Variants in GRM6 observed in about 807,000 individuals in gnomAD.
The protein encoded by GRM6 is glutamate metabotropic receptor 6.
In GRM6, 73 loss-of-function variants were observed where a neutral mutation model predicts 78.4. That is an observed-to-expected ratio of 0.93 (90% CI 0.77 to 1.13). The LOEUF is 1.13. Ranked by LOEUF, GRM6 falls within the 50% of genes most tolerant of loss-of-function variation. The pLI is 0.00. For synonymous variants in GRM6, 580 were observed against 555.0 expected, an observed-to-expected ratio of 1.05 and a Z score of -0.63; for missense variants, 1,251 against 1,256.4, an observed-to-expected ratio of 1.00 and a Z score of 0.07.
At position 178,991,908 on chromosome 5, in the gene GRM6, T is replaced by G. The variant is rs17078898; in HGVS notation, c.680A>C (p.Glu227Ala). 1.2e-6 allele frequency: 2 copies of G among 1,614,064 alleles called. No homozygotes were observed. The highest frequency in any genetic ancestry group is 2.2e-5 in the South Asian group (2 of 91,066). ...STLASEGNYG[E>A]SGVEAFVQIS... ...CTGAACGAAGGCCTCAACCCCACTTTCGCCATAGTTGCCCTCGGAGGCCAG... is the reference window on the plus strand; with the variant it reads ...CTGAACGAAGGCCTCAACCCCACTTGCGCCATAGTTGCCCTCGGAGGCCAG... The change falls in exon 3 of 11, where the codon GAA becomes GCA. Residue 227 changes from glutamate to alanine, a missense_variant. Coordinates refer to ENST00000517717, the MANE Select transcript of GRM6 (RefSeq NM_000843.4). The surrounding 1 kb of genome is among the most constrained non-coding windows in gnomAD (Gnocchi z 5.0).
In GRM6 at chr5:178,988,647, G is replaced by C. The variant is rs1295711652; in HGVS notation, c.1354+288C>G. 6.6e-6 allele frequency among the ~76,000 whole-genome samples: 1 copy of C among 152,212 alleles called. No homozygotes were observed. The highest frequency in any genetic ancestry group is 1.5e-5 in the Non-Finnish European group (1 of 68,032). ...GCCCTCAAGCTCTGCGCAGTGGAGG[G>C]GAGTGTGGTGTGACCCACTGGGGGT... is the stretch of plus-strand genomic sequence containing the variant. On this transcript the variant is annotated intron_variant, in intron 7 of 10. Transcript: ENST00000517717. The surrounding 1 kb of genome is among the most constrained non-coding windows in gnomAD (Gnocchi z 6.0).
intron 9 of GRM6, among the ~76,000 whole-genome samples, chr5:178,985,439 C>T (rs777145711): frequency 1.4e-4 from 22 of 151,728 alleles, no homozygotes; most frequent in Non-Finnish European, 3.2e-4. Context: ...CGCAGCGGCT[C>T]CCGCCTGTCA....
rs2113341821 is a variant in GRM6, at chr5:178,991,345, T to C, written c.857+79A>G. ...GGGAAAGGGAGGCAGGGAGAGTGTG[T>C]AAGGTGGCGATGTGCAAGAGGAGGG... On this transcript the variant is annotated intron_variant, in intron 4 of 10. Transcript: ENST00000517717. The surrounding 1 kb of genome is among the most constrained non-coding windows in gnomAD (Gnocchi z 5.0). 7.6e-7 allele frequency: 1 copy of C among 1,314,990 alleles called. No individual in the cohort carries two copies. Among genetic ancestry groups the C allele is most frequent in the Non-Finnish European group, 1.1e-6 (1 of 911,410 alleles). 81.5% of individuals were successfully genotyped at this position (1,314,990 alleles called of 1,614,324 possible). A position where few individuals can be genotyped will look rare whatever the true frequency, so the allele number is the denominator to read the frequency against.
At position 178,994,660 on chromosome 5, in the gene GRM6, C is replaced by A; in HGVS notation, c.285G>T (p.Leu95=). 1 of 1,466,846 alleles carries A rather than the reference C, an allele frequency of 6.8e-7. No homozygotes were observed. The highest frequency in any genetic ancestry group is 9.0e-7 in the Non-Finnish European group (1 of 1,112,228). The allele number at this position is 1,466,846 out of a possible 1,614,324, so 90.9% of individuals were successfully genotyped here. ...LLPGVRLGAR[L]LDTCSRDTYA... ...AGGTGTCCCGCGAGCAGGTGTCCAG[C>A]AGCCGCGCGCCCAGGCGCACGCCGG... The change falls in exon 2 of 11, where the codon CTG becomes CTT. Residue 95 remains leucine (L), a synonymous_variant. Coordinates refer to ENST00000517717, the MANE Select transcript of GRM6 (RefSeq NM_000843.4).
chr5:178,989,723 T>C, intron 5 of GRM6: 49 of 443,880 alleles, frequency 1.1e-4, no homozygotes, highest in Admixed American at 3.5e-4. Context: ...AAGACTTTTA[T>C]CCCTGCTCCT....
At chr5:178,987,917 GCCC>G (rs1561718731) in intron 7 of GRM6, among the ~76,000 whole-genome samples, 1 of 1,532 alleles carries the variant, frequency 6.5e-4, no homozygotes, top group African/African-American at 6.7e-4. Context: ...CCGTCGCCAT[GCCC>G]AGCTAATTTT....
chr5:178,989,091 T>G lies in GRM6; in HGVS notation c.1198A>C (p.Lys400Gln). The G allele has an allele frequency of 6.2e-7, 1 of 1,614,084 alleles. No homozygotes were observed. The highest frequency in any genetic ancestry group is 8.5e-7 in the Non-Finnish European group (1 of 1,179,990). ...GRDSTYEQEGKVQFVIDAVYA... is the reference protein window; with the variant it reads ...GRDSTYEQEGQVQFVIDAVYA... Reference sequence around the variant, plus strand: ...ACCGCATCAATCACAAACTGCACCTTGCCCTCCTGCTCGTAGGTGGAGTCC... The same window carrying G: ...ACCGCATCAATCACAAACTGCACCTGGCCCTCCTGCTCGTAGGTGGAGTCC... Residue 400 changes from lysine (K) to glutamine (Q), a missense_variant, in exon 7 of 11, where the codon AAG becomes CAG. Lys to Gln is a moderately conservative substitution (Grantham distance 53). Coordinates refer to ENST00000517717, the MANE Select transcript of GRM6 (RefSeq NM_000843.4).
intron 2 of GRM6, 91 bp downstream of exon 2, chr5:178,994,350 T>G (rs2645330): frequency 8.8e-7 from 1 of 1,137,564 alleles, no homozygotes; most frequent in Non-Finnish European, 1.2e-6. Flanking sequence ...GGAGACTCTT[T>G]CAGAAGAAGT....
rs1291951911 is a variant in GRM6, at chr5:178,990,711, G to C, written c.893C>G (p.Thr298Ser). Residue 298 changes from threonine (T) to serine (S), a missense_variant, in exon 5 of 11, where the codon ACC (threonine) becomes AGC (serine). Physicochemically the swap from Thr to Ser is moderately conservative, Grantham distance 58. Coordinates refer to ENST00000517717, the MANE Select transcript of GRM6 (RefSeq NM_000843.4). ...VLEAARQANL[T>S]GHFLWVGSDS... Reference sequence around the variant, plus strand: ...TGAGCCGACCCACAGGAAGTGGCCGGTCAGGTTGGCCTGGCGAGCTGCCTC... The same window carrying C: ...TGAGCCGACCCACAGGAAGTGGCCGCTCAGGTTGGCCTGGCGAGCTGCCTC... 1 of 1,587,830 alleles carries C rather than the reference G, an allele frequency of 6.3e-7. No individual in the cohort carries two copies. Among genetic ancestry groups the C allele is most frequent in the Admixed American group, 1.8e-5 (1 of 56,538 alleles).
chr5:178,986,078 G>T, intron 9 of GRM6, 52 bp downstream of exon 9: 3 of 1,552,572 alleles, frequency 1.9e-6, no homozygotes, highest in Non-Finnish European at 2.6e-6. Context: ...GCTTTGTAAC[G>T]TTGCGGACAG....
At chr5:178,982,052 C>T (rs1268637390) in intron 10 of GRM6, among the ~76,000 whole-genome samples, 198 bp from the exon 11 acceptor site, 1 of 152,022 alleles carries the variant, frequency 6.6e-6, no homozygotes, top group African/African-American at 2.4e-5. Flanking sequence ...CTGGTGTGGG[C>T]AGGAGGGAGG....
At position 178,994,893 on chromosome 5, in the gene GRM6, G is replaced by C; in HGVS notation, c.52C>G (p.Leu18Val). ...REPLLVALLP[L>V]AWLAQAGLAR... is the part of the protein sequence containing the mutation. Reference sequence around the variant, plus strand: ...AGGCCCGCCTGCGCCAGCCACGCCAGCGGCAGCAGCGCCACGAGCAGCGGC... The same window carrying C: ...AGGCCCGCCTGCGCCAGCCACGCCACCGGCAGCAGCGCCACGAGCAGCGGC... The change falls in exon 2 of 11, where the codon CTG (leucine) becomes GTG (valine). Residue 18 changes from leucine (L) to valine (V), a missense_variant. Coordinates refer to ENST00000517717, the MANE Select transcript of GRM6 (RefSeq NM_000843.4). 1 of 1,210,598 alleles carries C rather than the reference G, an allele frequency of 8.3e-7. No individual in the cohort carries two copies. Among genetic ancestry groups the C allele is most frequent in the Non-Finnish European group, 1.0e-6 (1 of 972,220 alleles). 75.0% of individuals were successfully genotyped at this position (1,210,598 alleles called of 1,614,324 possible).
In GRM6 at chr5:178,989,067, C is replaced by G. The variant is rs749217344; in HGVS notation, c.1222G>C (p.Val408Leu). 1 of 1,613,958 alleles carries G rather than the reference C, an allele frequency of 6.2e-7. No homozygotes were observed. The highest frequency in any genetic ancestry group is 8.5e-7 in the Non-Finnish European group (1 of 1,179,850). The change falls in exon 7 of 11, where the codon GTG (valine) becomes CTG (leucine). Residue 408 changes from valine (V) to leucine (L), a missense_variant. By Grantham distance (32) the Val-to-Leu change is conservative. Transcript: ENST00000517717. Reference sequence around the variant, plus strand: ...TGGAGGGCGTGGGCAATGGCGTACACCGCATCAATCACAAACTGCACCTTG... The same window carrying G: ...TGGAGGGCGTGGGCAATGGCGTACAGCGCATCAATCACAAACTGCACCTTG... ...EGKVQFVIDA[V>L]YAIAHALHSM...
At position 178,983,146 on chromosome 5, in the gene GRM6, C is replaced by A; in HGVS notation, c.2200G>T (p.Asp734Tyr). 3 of 1,613,974 alleles carry A rather than the reference C, an allele frequency of 1.9e-6. No homozygotes were observed. The highest frequency in any genetic ancestry group is 1.7e-6 in the Non-Finnish European group (2 of 1,179,992). The change falls in exon 10 of 11, where the codon GAC becomes TAC. Residue 734 changes from aspartate (D) to tyrosine (Y), a missense_variant. Asp to Tyr is a radical substitution (Grantham distance 160). Coordinates refer to ENST00000517717, the MANE Select transcript of GRM6 (RefSeq NM_000843.4). ...AGCACCCCTCTGGCCTGCTCGGGGT[C>A]CACCGTCCGCTGTTCCTCATAGTCA... ...VIDYEEQRTV[D>Y]PEQARGVLKC...
intron 9 of GRM6, chr5:178,985,287 G>A (rs926385986): frequency 2.2e-6 from 1 of 456,474 alleles, no homozygotes; most frequent in Non-Finnish European, 4.4e-6. Flanking sequence ...AAAGATCTCT[G>A]GAGGCCCACA....
At chr5:178,985,465 A>G (rs1486922759) in intron 9 of GRM6, among the ~76,000 whole-genome samples, 1 of 151,444 alleles carries the variant, frequency 6.6e-6, no homozygotes, top group African/African-American at 2.4e-5. Context: ...GCACTTTGGG[A>G]GGCCGAGGTG....
rs1760545870 is a variant in GRM6, at chr5:178,986,315, C to T, written c.1939G>A (p.Ala647Thr). 2 of 1,613,884 alleles carry T rather than the reference C, an allele frequency of 1.2e-6. No individual in the cohort carries two copies. Among genetic ancestry groups the T allele is most frequent in the Non-Finnish European group, 1.7e-6 (2 of 1,179,974 alleles). ...ITFLMVAEPG[A>T]AVCAARRLFL... The stretch of plus-strand genomic sequence containing the variant: ...AGCCTGCGGGCGGCACAGACCGCGG[C>T]CCCAGGCTCAGCCACCATGAGGAAG... Residue 647 changes from alanine to threonine, a missense_variant, in exon 9 of 11, where the codon GCC becomes ACC. By Grantham distance (58) the Ala-to-Thr change is moderately conservative. Transcript: ENST00000517717.
At chr5:178,985,317 G>A (rs565287383) in intron 9 of GRM6, 91 of 453,162 alleles carry the variant, frequency 2.0e-4, no homozygotes, top group Non-Finnish European at 2.9e-4. Flanking sequence ...TGACTGCCCC[G>A]TTTTCCTTCA....
intron 9 of GRM6, chr5:178,985,417 A>G: frequency 2.8e-6 from 1 of 362,662 alleles, no homozygotes; most frequent in South Asian, 2.0e-5. Context: ...AAAAAAAAAA[A>G]AACTCACTGG....
Sources: gnomAD v4.1 joint callset for allele counts (sites outside exome capture counted in the v4.1 genomes callset) on GRCh38, gnomAD v4.1.1 for gene constraint, Gnocchi (gnomAD v3.1) non-coding constraint, MANE v1.5 for transcripts, NCBI Gene and HGNC (gene_info 2026-07-23, HGNC 2026-07-21) for gene names.